MACF1: variants seen among roughly 807,000 people sequenced by gnomAD.
MACF1 encodes the protein microtubule-actin cross-linking factor 1.
Under a neutral mutation model 854.8 loss-of-function variants are expected in MACF1, and 193 were observed. The ratio of observed to expected loss-of-function variants is 0.23; its 90% CI spans 0.20 to 0.25. MACF1 has a LOEUF of 0.25. MACF1 is among the 10% of genes least tolerant of loss of function. The pLI is 1.00. For missense variants in MACF1, 7,722 were observed against 8,929.1 expected (o/e 0.86, Z 5.45); for synonymous variants, 3,185 against 3,226.7 (o/e 0.99, Z 0.44).
At chr1:39,253,509 ATTTTTTTTTTT>A (rs34578005) in intron 4 of MACF1, among the ~76,000 whole-genome samples, 1 of 91,520 alleles carries the variant, frequency 1.1e-5, no homozygotes, top group Non-Finnish European at 2.0e-5. Flanking sequence ...AGCTATCTGT[ATTTTTTTTTTT>A]TTTTTTTTTT....
chr1:39,402,946 T>A (rs955738972), intron 58 of MACF1, among the ~76,000 whole-genome samples: 1 of 146,758 alleles, frequency 6.8e-6, no homozygotes, highest in Non-Finnish European at 1.5e-5. Context: ...AACTCTGTCA[T>A]CTGTCTCTTC....
At chr1:39,262,492 T>C (rs1645175678) in intron 6 of MACF1, among the ~76,000 whole-genome samples, 1 of 147,190 alleles carries the variant, frequency 6.8e-6, no homozygotes, top group Admixed American at 6.9e-5. Context: ...TTTAGGAGAG[T>C]GAGAACAGAC....
At chr1:39,253,357 T>A (rs1645063030) in intron 4 of MACF1, among the ~76,000 whole-genome samples, 1 of 152,138 alleles carries the variant, frequency 6.6e-6, no homozygotes, top group Non-Finnish European at 1.5e-5. Context: ...GGGTATTTCA[T>A]GCTGGAGTAA....
intron 26 of MACF1, among the ~76,000 whole-genome samples, chr1:39,312,561 A>G (rs1646322251): frequency 6.6e-6 from 1 of 152,160 alleles, no homozygotes; most frequent in South Asian, 2.1e-4. Context: ...GTGGTGGCTC[A>G]CGTCTGTAAT....
intron 2 of MACF1, among the ~76,000 whole-genome samples, chr1:39,138,629 C>T (rs1282693015): frequency 6.6e-6 from 1 of 151,994 alleles, no homozygotes; most frequent in Non-Finnish European, 1.5e-5. Context: ...ACAGCTTTCT[C>T]TCATTTCAAT....
intron 63 of MACF1, among the ~76,000 whole-genome samples, chr1:39,428,761 A>G (rs1452593253): frequency 6.6e-6 from 1 of 152,108 alleles, no homozygotes; most frequent in Non-Finnish European, 1.5e-5. Flanking sequence ...TTTCATTTTT[A>G]TGAAATCTGT....
At chr1:39,223,317 C>T (rs1316981881) in intron 1 of MACF1, among the ~76,000 whole-genome samples, 1 of 152,042 alleles carries the variant, frequency 6.6e-6, no homozygotes, top group Non-Finnish European at 1.5e-5. Flanking sequence ...GACTGTTATC[C>T]CAAATGGAAG....
intron 58 of MACF1, among the ~76,000 whole-genome samples, chr1:39,392,214 A>G (rs1386966277): frequency 6.6e-6 from 1 of 152,166 alleles, no homozygotes; most frequent in East Asian, 1.9e-4. Context: ...TGCTGAGCTC[A>G]TCGGAAGTGA....
intron 69 of MACF1, 74 bp from the exon 70 acceptor site, chr1:39,435,484 G>C: frequency 8.9e-6 from 11 of 1,236,762 alleles, no homozygotes; most frequent in Non-Finnish European, 1.2e-5. Context: ...GTTGATATTA[G>C]CTCTGATCAA....
chr1:39,268,949 C>T, intron 6 of MACF1: 1 of 1,286,808 alleles, frequency 7.8e-7, no homozygotes, highest in Non-Finnish European at 1.0e-6. Context: ...AGCATACCCC[C>T]CCAGATATTT....
At chr1:39,353,377 A>T (rs2148505269) in intron 44 of MACF1, 146 bp downstream of exon 44, 1 of 585,754 alleles carries the variant, frequency 1.7e-6, no homozygotes, top group East Asian at 2.8e-5. Flanking sequence ...ACTGTTGGCC[A>T]CTCCTCTTGA....
intron 2 of MACF1, among the ~76,000 whole-genome samples, chr1:39,096,673 C>T (rs1641945953): frequency 6.6e-6 from 1 of 151,844 alleles, no homozygotes. Flanking sequence ...GAGTTTTGCT[C>T]TGTTGCCCAG....
chr1:39,293,550 G>C lies in MACF1; in HGVS notation c.2085G>C (p.Glu695Asp). Residue 695 changes from glutamate to aspartate, a missense_variant, in exon 18 of 101, where the codon GAG becomes GAC. Around this residue, in one of 15 missense-constraint regions of MACF1, gnomAD observed 1,137 missense variants for 1,263.0 expected, o/e 0.90. Coordinates refer to ENST00000564288, the MANE Select transcript of MACF1 (RefSeq NM_001394062.1). ...AGTTGATCTGGTTGAATGAGAAGGAGGAGGAGGAACTAGCATATGACTGGA... is the reference window on the plus strand; with the variant it reads ...AGTTGATCTGGTTGAATGAGAAGGACGAGGAGGAACTAGCATATGACTGGA... ...TAELIWLNEK[E>D]EEELAYDWSD... is the part of the protein sequence containing the mutation. 1 of 1,613,994 alleles carries C rather than the reference G, an allele frequency of 6.2e-7. No homozygotes were observed. Among genetic ancestry groups the C allele is most frequent in the Non-Finnish European group, 8.5e-7 (1 of 1,179,908 alleles).
At chr1:39,186,212 CTCTG>C (rs1644169311) in intron 2 of MACF1, among the ~76,000 whole-genome samples, 1 of 80,044 alleles carries the variant, frequency 1.2e-5, no homozygotes, top group Non-Finnish European at 2.5e-5. Context: ...CTCTCTCTCT[CTCTG>C]TGTGTGTGTG....
chr1:39,476,649 GCATTGGCTA>G (rs1334008145), intron 97 of MACF1, among the ~76,000 whole-genome samples: 1 of 151,924 alleles, frequency 6.6e-6, no homozygotes, highest in Non-Finnish European at 1.5e-5. Context: ...AATTGTCACA[GCATTGGCTA>G]CAATGTTTAA....
At chr1:39,454,181 T>C (rs1373315850) in intron 88 of MACF1, among the ~76,000 whole-genome samples, 2 of 152,220 alleles carry the variant, frequency 1.3e-5, no homozygotes, top group African/African-American at 4.8e-5. Flanking sequence ...GCGGTTATTG[T>C]TCAGTAAATA....
At chr1:39,134,774 T>A (rs999272867) in intron 2 of MACF1, among the ~76,000 whole-genome samples, 12 of 152,332 alleles carry the variant, frequency 7.9e-5, no homozygotes, top group Non-Finnish European at 8.8e-5. Flanking sequence ...TTGATTTTTT[T>A]ATGATAAAAT....
intron 45 of MACF1, 113 bp from the exon 46 acceptor site, chr1:39,358,584 T>C (rs1647799832): frequency 1.1e-6 from 1 of 939,656 alleles, no homozygotes; most frequent in Non-Finnish European, 1.7e-6. Flanking sequence ...GCAATACCCT[T>C]ATCTGAAGTT....
chr1:39,414,594 G>C, intron 58 of MACF1: 1 of 1,472,308 alleles, frequency 6.8e-7, no homozygotes, highest in Middle Eastern at 1.8e-4. Context: ...TGGGTCTCCC[G>C]GGCTTATAGT....
Sources: gnomAD v4.1 joint callset for allele counts (sites outside exome capture counted in the v4.1 genomes callset) on GRCh38, gnomAD v4.1.1 for gene constraint, gnomAD v4.1.1 regional missense constraint, MANE v1.5 for transcripts, NCBI Gene and HGNC (gene_info 2026-07-23, HGNC 2026-07-21) for gene names.